SLC5A4: variants seen among roughly 807,000 people sequenced by gnomAD.
SLC5A4 encodes probable glucose sensor protein SLC5A4.
Under a neutral mutation model 70.3 loss-of-function variants are expected in SLC5A4, and 55 were observed. That is an observed-to-expected ratio of 0.78 (90% CI 0.63 to 0.98). SLC5A4 has a LOEUF of 0.98. Ranked by LOEUF, SLC5A4 falls within the 50% of genes least tolerant of loss-of-function variation. The pLI, the probability that SLC5A4 is intolerant of heterozygous loss-of-function variation, is 0.00. For missense variants in SLC5A4, 735 were observed against 839.2 expected (o/e 0.88, Z 1.53); for synonymous variants, 268 against 305.7 (o/e 0.88, Z 1.29).
chr22:32,352,083 AGCCATAAAAAATGATGAGTTCAT>A, the SLC5A4 span, among the ~76,000 whole-genome samples: 1 of 152,146 alleles, frequency 6.6e-6, no homozygotes. Context: ...AATACTACAC[AGCCATAAAAAATGATGAGTTCAT>A]GGCCTTTGTA....
chr22:32,329,309 T>C, the SLC5A4 span, among the ~76,000 whole-genome samples: 2 of 152,180 alleles, frequency 1.3e-5, no homozygotes, highest in African/African-American at 4.8e-5. Flanking sequence ...TACATGGAGA[T>C]TTCTGTGAGG....
At chr22:32,344,961 C>A in the SLC5A4 span, among the ~76,000 whole-genome samples, 2 of 152,086 alleles carry the variant, frequency 1.3e-5, no homozygotes, top group African/African-American at 2.4e-5. Context: ...GTGTATACAG[C>A]TAATTTAAGA....
the SLC5A4 span, chr22:32,270,684 C>T: frequency 2.9e-6 from 2 of 696,664 alleles, no homozygotes; most frequent in African/African-American, 3.5e-5. Flanking sequence ...TGGGCATCCA[C>T]CTGCTGGAAG....
At chr22:32,277,005 TAAAATA>T in the SLC5A4 span, 1 of 152,224 alleles carries the variant, frequency 6.6e-6, no homozygotes, top group Non-Finnish European at 1.5e-5. Context: ...ACTGATGATT[TAAAATA>T]CTTATTCCCA....
chr22:32,287,909 A>G, the SLC5A4 span, among the ~76,000 whole-genome samples: 27 of 151,802 alleles, frequency 1.8e-4, no homozygotes, highest in African/African-American at 5.6e-4. Flanking sequence ...ATAGGAGGAA[A>G]GGAATATGTC....
chr22:32,321,916 G>A, the SLC5A4 span, among the ~76,000 whole-genome samples: 2 of 152,212 alleles, frequency 1.3e-5, no homozygotes, highest in African/African-American at 4.8e-5. Flanking sequence ...CACATAAAAC[G>A]TTGGGTCAAA....
At chr22:32,271,006 G>T in the SLC5A4 span, 1 of 530,616 alleles carries the variant, frequency 1.9e-6, no homozygotes. Context: ...GCCTGGGCTC[G>T]GAGACTAGCC....
chr22:32,290,028 G>C, the SLC5A4 span, among the ~76,000 whole-genome samples: 1 of 152,056 alleles, frequency 6.6e-6, no homozygotes, highest in South Asian at 2.1e-4. Context: ...TGATTGGCAT[G>C]ATCTCTTCCT....
chr22:32,251,732 G>A, intron 3 of SLC5A4, 38 bp downstream of exon 3: 1 of 1,217,400 alleles, frequency 8.2e-7, no homozygotes. Flanking sequence ...ACTGGATATG[G>A]TTTTGATTTG....
chr22:32,353,575 G>A, the SLC5A4 span, among the ~76,000 whole-genome samples: 1 of 152,012 alleles, frequency 6.6e-6, no homozygotes, highest in African/African-American at 2.4e-5. Flanking sequence ...ACCAGCACCA[G>A]GGGGGCAGCG....
At position 32,236,223 on chromosome 22, in the gene SLC5A4, G is replaced by A. The variant is rs1045570790; in HGVS notation, c.664+1021C>T. On this transcript the variant is annotated intron_variant, in intron 7 of 14. Coordinates refer to ENST00000266086, the MANE Select transcript of SLC5A4 (RefSeq NM_014227.3). ...GATAGAAATGTTCCGTATCCATGCC[G>A]TCCAGTATGGCTAGTTTTCCTATGC... Among the ~76,000 whole-genome samples, 14 of 152,298 alleles carry A rather than the reference G, an allele frequency of 9.2e-5. 1 individual carries two copies. The highest frequency in any genetic ancestry group is 3.1e-4 in the African/African-American group (13 of 41,556).
chr22:32,329,149 C>CA, the SLC5A4 span, among the ~76,000 whole-genome samples: 12 of 152,216 alleles, frequency 7.9e-5, no homozygotes, highest in East Asian at 2.3e-3. Flanking sequence ...TTTTCTGCTT[C>CA]AGGGGAGAGT....
At chr22:32,341,622 C>T in the SLC5A4 span, among the ~76,000 whole-genome samples, 2 of 152,270 alleles carry the variant, frequency 1.3e-5, no homozygotes, top group South Asian at 2.1e-4. Context: ...GACGTGACGC[C>T]GGAGAGCATC....
chr22:32,285,903 A>AT, the SLC5A4 span, among the ~76,000 whole-genome samples: 6 of 151,608 alleles, frequency 4.0e-5, no homozygotes, highest in Non-Finnish European at 8.8e-5. Flanking sequence ...CGCCCGGCTT[A>AT]TTTTTTGTAT....
rs750476240 is a variant in SLC5A4 at position 32,220,979 on chromosome 22, C to A, written c.1709G>T (p.Arg570Leu). 1 of 1,614,024 alleles carries A rather than the reference C, an allele frequency of 6.2e-7. No homozygotes were observed. The highest frequency in any genetic ancestry group is 2.2e-5 in the East Asian group (1 of 44,880). The change falls in exon 14 of 15, where the codon CGA (arginine) becomes CTA (leucine). Residue 570 changes from arginine (R) to leucine (L), a missense_variant. Transcript: ENST00000266086. Reference sequence around the variant, plus strand: ...TTTCTCTTCTGCATCTATATCGATTCGCTCCTCTGTACTGTTCCGAAGAAC... The same window carrying A: ...TTTCTCTTCTGCATCTATATCGATTAGCTCCTCTGTACTGTTCCGAAGAAC... Reference protein sequence around the residue: ...CWVLRNSTEERIDIDAEEKSQ... With the variant: ...CWVLRNSTEELIDIDAEEKSQ...
At chr22:32,239,570 T>TTATATTTA (rs1569375018) in intron 5 of SLC5A4, among the ~76,000 whole-genome samples, 3 of 10,412 alleles carry the variant, frequency 2.9e-4, no homozygotes, top group African/African-American at 2.4e-3. Context: ...ATATATATAT[T>TTATATTTA]TATATATATA....
chr22:32,332,220 C>T, the SLC5A4 span, among the ~76,000 whole-genome samples: 1 of 152,192 alleles, frequency 6.6e-6, no homozygotes, highest in East Asian at 1.9e-4. Context: ...GCACCCTTGT[C>T]CCTGGACTAA....
At chr22:32,251,593 C>T (rs1220649704) in intron 3 of SLC5A4, among the ~76,000 whole-genome samples, 177 bp downstream of exon 3, 2 of 151,992 alleles carry the variant, frequency 1.3e-5, no homozygotes, top group Non-Finnish European at 2.9e-5. Context: ...AGCAAGAAGC[C>T]CTTGCCAGAT....
chr22:32,319,017 G>T, the SLC5A4 span, among the ~76,000 whole-genome samples: 1 of 152,224 alleles, frequency 6.6e-6, no homozygotes, highest in East Asian at 1.9e-4. Context: ...CCCCTGTGCA[G>T]GTGGCCTCAT....
Sources: allele counts gnomAD v4.1 joint callset (sites outside exome capture counted in the v4.1 genomes callset), GRCh38; gene constraint gnomAD v4.1.1; transcripts MANE v1.5; gene names NCBI Gene and HGNC (gene_info 2026-07-23, HGNC 2026-07-21).